TULP3: variants seen among roughly 807,000 people sequenced by gnomAD.
TULP3 encodes the protein TUB like protein 3, also known as tubby-related protein 3.
Under a neutral mutation model 50.7 loss-of-function variants are expected in TULP3, and 38 were observed. The observed-to-expected ratio is 0.75, with a 90% CI of 0.58 to 0.98. The LOEUF (loss-of-function observed/expected upper bound fraction) is 0.98, where lower values mean the gene tolerates loss of function less well. TULP3 is among the 50% of genes least tolerant of loss of function. The pLI, the probability that TULP3 is intolerant of heterozygous loss-of-function variation, is 0.00. For missense variants in TULP3, 550 were observed against 568.0 expected (o/e 0.97, Z 0.32); for synonymous variants, 183 against 196.6 (o/e 0.93, Z 0.58).
intron 6 of TULP3, among the ~76,000 whole-genome samples, chr12:2,932,471 T>C (rs1028160671): frequency 6.6e-6 from 1 of 151,114 alleles, no homozygotes; most frequent in African/African-American, 2.4e-5. Flanking sequence ...TTCCAGCTAC[T>C]CGGGAGGCTG....
At chr12:2,895,110 T>C (rs1024311221) in intron 1 of TULP3, among the ~76,000 whole-genome samples, 4 of 152,202 alleles carry the variant, frequency 2.6e-5, no homozygotes, top group African/African-American at 9.6e-5. Flanking sequence ...TTTAGTTCAC[T>C]CAAAAGAATG....
chr12:2,938,659 T>A (rs1049141136), intron 10 of TULP3, among the ~76,000 whole-genome samples: 4 of 151,758 alleles, frequency 2.6e-5, no homozygotes, highest in African/African-American at 9.7e-5. Context: ...TGGCAGGCAC[T>A]TGTAGTCCCA....
intron 2 of TULP3, among the ~76,000 whole-genome samples, chr12:2,915,791 G>GC (rs1303955219): frequency 2.0e-5 from 3 of 151,454 alleles, no homozygotes. Flanking sequence ...TGATCTGCCC[G>GC]CCTCAGCCTC....
intron 4 of TULP3, among the ~76,000 whole-genome samples, chr12:2,924,561 G>C (rs1256129763): frequency 6.6e-6 from 1 of 152,030 alleles, no homozygotes; most frequent in Non-Finnish European, 1.5e-5. Context: ...CACACTGGTA[G>C]TCCCAGCTAC....
chr12:2,919,776 T>C lies in TULP3; in HGVS notation c.94-987T>C, dbSNP rs532663685. On this transcript the variant is annotated intron_variant, in intron 2 of 10. Coordinates refer to ENST00000448120, the MANE Select transcript of TULP3 (RefSeq NM_003324.5). ...TCATTGGTTTTTTTTTCTCATAGTCTGTCATGCTTGTTTCCTGACTTTTCT... is the reference window on the plus strand; with the variant it reads ...TCATTGGTTTTTTTTTCTCATAGTCCGTCATGCTTGTTTCCTGACTTTTCT... 2.3e-4 allele frequency among the ~76,000 whole-genome samples: 35 copies of C among 152,162 alleles called. 1 individual carries two copies. In the South Asian group the frequency reaches 7.0e-3, roughly 31 times the overall value.
At position 2,939,497 on chromosome 12, in the gene TULP3, A is replaced by C; in HGVS notation, c.*53A>C. 6.2e-7 allele frequency: 1 copy of C among 1,604,678 alleles called. No homozygotes were observed. Among genetic ancestry groups the C allele is most frequent in the South Asian group, 1.1e-5 (1 of 89,736 alleles). On this transcript the variant is annotated 3_prime_UTR_variant, in exon 11 of 11. Transcript: ENST00000448120. This position sits in a 1 kb window ranked among gnomAD's most constrained non-coding sequence, Gnocchi z 4.0. ...CCCCACAGAGCTTTCAGGAGCAGAC[A>C]GTGGCCTCCCCTTCCCCTCCCTGCC...
rs141208770 is a variant in TULP3 at position 2,901,285 on chromosome 12, AT to A, written c.42-8234del. Among the ~76,000 whole-genome samples, 8 of 115,428 alleles carry A rather than the reference AT, an allele frequency of 6.9e-5. No homozygotes were observed. The South Asian group carries it at 8.5e-4, about 12-fold the overall frequency. 75.7% of individuals were successfully genotyped at this position (115,428 alleles called of 152,430 possible). A position where few individuals can be genotyped will look rare whatever the true frequency, so the allele number is the denominator to read the frequency against. On this transcript the variant is annotated intron_variant, in intron 1 of 10. Coordinates refer to ENST00000448120, the MANE Select transcript of TULP3 (RefSeq NM_003324.5). The stretch of plus-strand genomic sequence containing the variant: ...CGCTCCACCACACCTGGCTAATTTG[AT>A]TTTTTTTTTCTTTCTTTCTTTCTTT...
At chr12:2,891,676 C>G (rs748625542) in intron 1 of TULP3, among the ~76,000 whole-genome samples, 9 of 152,186 alleles carry the variant, frequency 5.9e-5, no homozygotes, top group Middle Eastern at 3.4e-3. Context: ...CGTTTGAAAT[C>G]ATTGGTTAGA....
chr12:2,896,061 C>A (rs1300345523), intron 1 of TULP3, among the ~76,000 whole-genome samples: 2 of 152,076 alleles, frequency 1.3e-5, no homozygotes, highest in African/African-American at 4.8e-5. Context: ...CTGCCTCAGC[C>A]TCCCAAGTAG....
At chr12:2,930,045 C>G (rs1476390421) in intron 4 of TULP3, among the ~76,000 whole-genome samples, 1 of 152,188 alleles carries the variant, frequency 6.6e-6, no homozygotes, top group Non-Finnish European at 1.5e-5. Flanking sequence ...ATTCCTCATT[C>G]TCCCCTGCCC....
chr12:2,930,849 T>C, intron 5 of TULP3, 188 bp from the exon 6 acceptor site: 1 of 670,788 alleles, frequency 1.5e-6, no homozygotes, highest in South Asian at 1.8e-5. Flanking sequence ...CTTTGTCCCA[T>C]TTTGATACTT....
chr12:2,902,061 TCA>T (rs1278076033), intron 1 of TULP3, among the ~76,000 whole-genome samples: 1 of 152,218 alleles, frequency 6.6e-6, no homozygotes, highest in African/African-American at 2.4e-5. Flanking sequence ...ATTCCTTGTC[TCA>T]CACATACTAT....
intron 1 of TULP3, among the ~76,000 whole-genome samples, chr12:2,899,954 T>C (rs1027565578): frequency 1.8e-4 from 26 of 146,636 alleles, no homozygotes; most frequent in Non-Finnish European, 3.4e-4. Context: ...GTGGCTCACA[T>C]CTGTAATCCC....
At chr12:2,929,535 G>T (rs2098196675) in intron 4 of TULP3, among the ~76,000 whole-genome samples, 1 of 152,140 alleles carries the variant, frequency 6.6e-6, no homozygotes, top group African/African-American at 2.4e-5. Context: ...CAGTCCTTCT[G>T]CCTCAGCCTC....
At chr12:2,902,543 T>C (rs1039079827) in intron 1 of TULP3, among the ~76,000 whole-genome samples, 1 of 152,194 alleles carries the variant, frequency 6.6e-6, no homozygotes, top group East Asian at 1.9e-4. Flanking sequence ...CTTGATTGTT[T>C]AGTGGCAATA....
intron 7 of TULP3, 142 bp from the exon 8 acceptor site, chr12:2,934,305 T>G: frequency 3.7e-5 from 20 of 545,942 alleles, no homozygotes; most frequent in Non-Finnish European, 5.9e-5. Context: ...CTTGCTTTAA[T>G]GAGATATTTT....
chr12:2,937,113 A>AG (rs1031814964), intron 8 of TULP3, among the ~76,000 whole-genome samples: 13 of 151,600 alleles, frequency 8.6e-5, no homozygotes, highest in African/African-American at 3.2e-4. Context: ...TCAAAAAAAA[A>AG]AAGAGAAGTA....
intron 8 of TULP3, among the ~76,000 whole-genome samples, chr12:2,934,846 T>TA (rs2153950443): frequency 6.6e-6 from 1 of 152,354 alleles, no homozygotes; most frequent in South Asian, 2.1e-4. Context: ...TACAATAAAT[T>TA]AAAGCTGATC....
chr12:2,924,416 A>G (rs950655688), intron 4 of TULP3, among the ~76,000 whole-genome samples: 2 of 152,124 alleles, frequency 1.3e-5, no homozygotes, highest in South Asian at 4.1e-4. Context: ...GGTGGCTCAC[A>G]TGTGTAATCC....
Sources: gnomAD v4.1 joint callset for allele counts (sites outside exome capture counted in the v4.1 genomes callset) on GRCh38, gnomAD v4.1.1 for gene constraint, Gnocchi (gnomAD v3.1) non-coding constraint, MANE v1.5 for transcripts, NCBI Gene and HGNC (gene_info 2026-07-23, HGNC 2026-07-21) for gene names.